Variants in CHPT1 observed in about 807,000 individuals in gnomAD.
CHPT1 encodes choline phosphotransferase 1, also known as cholinephosphotransferase 1.
CHPT1 carries 36 observed loss-of-function variants against 47.6 expected under a neutral mutation model. That is an observed-to-expected ratio of 0.76 (90% CI 0.58 to 1.00). The LOEUF (loss-of-function observed/expected upper bound fraction) is 1.00. Among genes scored for constraint, CHPT1 ranks in the 50% least tolerant of loss-of-function variants. The probability of loss-of-function intolerance (pLI) is 0.00; values close to 1 mark genes in which losing one functional copy is unlikely to be tolerated. For synonymous variants in CHPT1, 194 were observed against 186.3 expected (o/e 1.04, Z -0.33); for missense variants, 458 against 498.1 (o/e 0.92, Z 0.77).
rs372824014 is a variant in CHPT1, at chr12:101,698,206, G to C, written c.273+72G>C. On this transcript the variant is annotated intron_variant, in intron 1 of 8. Transcript: ENST00000229266. ...CGGGTCGCTGGAGGCGCCGGGGGAAGGGCGGACCCACGCGCGGCTGAGCCT... is the reference window on the plus strand; with the variant it reads ...CGGGTCGCTGGAGGCGCCGGGGGAACGGCGGACCCACGCGCGGCTGAGCCT... The C allele has an allele frequency of 4.8e-5, 66 of 1,361,556 alleles. 1 individual carries two copies. In the East Asian group the frequency reaches 1.4e-3, roughly 29 times the overall value. 84.3% of individuals were successfully genotyped at this position (1,361,556 alleles called of 1,614,324 possible).
In CHPT1 at chr12:101,723,247, C is replaced by T. The variant is rs752383369; in HGVS notation, c.860C>T (p.Thr287Ile). 4 of 1,611,850 alleles carry T rather than the reference C, an allele frequency of 2.5e-6. No homozygotes were observed. The highest frequency in any genetic ancestry group is 2.2e-5 in the South Asian group (2 of 90,994). The change falls in exon 6 of 9, where the codon ACT (threonine) becomes ATT (isoleucine). Residue 287 changes from threonine to isoleucine, a missense_variant. Thr to Ile is a moderately conservative substitution (Grantham distance 89). Coordinates refer to ENST00000229266, the MANE Select transcript of CHPT1 (RefSeq NM_020244.3). ...ATAATGATCTATAAAAAGTCAGCAA[C>T]TGATGTGTTTGAAAAGCATCCTTGT... ...LAIMIYKKSA[T>I]DVFEKHPCLY...
intron 1 of CHPT1, among the ~76,000 whole-genome samples, chr12:101,700,865 A>G (rs10778143): frequency 1.1e-4 from 17 of 152,038 alleles, no homozygotes; most frequent in African/African-American, 3.6e-4. Flanking sequence ...GTGACTTTCA[A>G]CTGGCTTGGG....
At position 101,729,028 on chromosome 12, in the gene CHPT1, G is replaced by A. The variant is rs1322030439; in HGVS notation, c.*83G>A. 2 of 1,610,878 alleles carry A rather than the reference G, an allele frequency of 1.2e-6. No homozygotes were observed. Among genetic ancestry groups the A allele is most frequent in the Non-Finnish European group, 1.7e-6 (2 of 1,177,836 alleles). On this transcript the variant is annotated 3_prime_UTR_variant, in exon 9 of 9. Transcript: ENST00000229266. ...AAACATTTGTTTAATTTTTATTTAA[G>A]TGTTATACCTATTTCAGCAAATAAA...
chr12:101,714,361 T>C, intron 2 of CHPT1, 124 bp downstream of exon 2: 1 of 1,184,516 alleles, frequency 8.4e-7, no homozygotes, highest in Non-Finnish European at 1.2e-6. Flanking sequence ...TTAAAAAGTA[T>C]GTCAAGAATT....
At chr12:101,706,214 G>A (rs1420581595) in intron 1 of CHPT1, among the ~76,000 whole-genome samples, 1 of 151,734 alleles carries the variant, frequency 6.6e-6, no homozygotes, top group African/African-American at 2.4e-5. Flanking sequence ...GCCAGGTGTG[G>A]TGGTGCACAT....
At chr12:101,727,457 T>TAATA (rs1199242777) in intron 8 of CHPT1, 1 of 149,756 alleles carries the variant, frequency 6.7e-6, no homozygotes, top group Non-Finnish European at 1.5e-5. Context: ...TAATTTTATA[T>TAATA]AATAGTTCAA....
chr12:101,727,784 A>AAAT (rs1454425153), intron 8 of CHPT1: 1 of 152,206 alleles, frequency 6.6e-6, no homozygotes, highest in Non-Finnish European at 1.5e-5. Context: ...AAAATTTAGG[A>AAAT]AATAATGTCA....
intron 1 of CHPT1, among the ~76,000 whole-genome samples, chr12:101,706,378 A>C (rs1380614702): frequency 6.6e-6 from 1 of 151,978 alleles, no homozygotes; most frequent in Non-Finnish European, 1.5e-5. Context: ...AGAAAAATAG[A>C]ATACGTGTCT....
intron 1 of CHPT1, among the ~76,000 whole-genome samples, chr12:101,707,501 G>T (rs1951649502): frequency 6.6e-6 from 1 of 152,076 alleles, no homozygotes; most frequent in Admixed American, 6.6e-5. Context: ...AATTATTTTT[G>T]CACAAACACC....
At chr12:101,720,078 C>A (rs751301653) in intron 4 of CHPT1, 45 bp from the exon 5 acceptor site, 103 of 1,458,416 alleles carry the variant, frequency 7.1e-5, no homozygotes, top group African/African-American at 8.6e-5. Context: ...TAATAAAAAA[C>A]CAAAATTCTG....
At chr12:101,713,622 T>C (rs1951724348) in intron 1 of CHPT1, among the ~76,000 whole-genome samples, 1 of 151,734 alleles carries the variant, frequency 6.6e-6, no homozygotes, top group Non-Finnish European at 1.5e-5. Context: ...GAAAACTGTT[T>C]TTTGTTTTTT....
intron 1 of CHPT1, among the ~76,000 whole-genome samples, chr12:101,699,056 A>G (rs928980285): frequency 2.0e-5 from 3 of 152,192 alleles, no homozygotes; most frequent in African/African-American, 7.2e-5. Flanking sequence ...TACAGTGGAA[A>G]TATTTCATGC....
intron 1 of CHPT1, among the ~76,000 whole-genome samples, chr12:101,711,807 AG>A (rs1230374493): frequency 6.7e-6 from 1 of 148,880 alleles, no homozygotes; most frequent in Non-Finnish European, 1.5e-5. Context: ...TCTTTAAAAA[AG>A]AATTTACTAG....
At chr12:101,719,749 G>C (rs773194615) in intron 4 of CHPT1, 18 of 240,916 alleles carry the variant, frequency 7.5e-5, no homozygotes, top group Non-Finnish European at 1.5e-4. Flanking sequence ...AGACTAAGCT[G>C]GTTTGGTGGA....
chr12:101,717,145 T>A (rs75922577), intron 4 of CHPT1: 11,208 of 372,324 alleles, frequency 0.03, 573 homozygotes, highest in African/African-American at 0.14. Context: ...ATAAATATTT[T>A]AAAAATAAAT....
chr12:101,722,218 A>G (rs1594142078), intron 5 of CHPT1, among the ~76,000 whole-genome samples: 1 of 152,118 alleles, frequency 6.6e-6, no homozygotes, highest in African/African-American at 2.4e-5. Context: ...AAGAATCATA[A>G]TATAAAGCAC....
At chr12:101,701,763 A>T (rs1951558037) in intron 1 of CHPT1, among the ~76,000 whole-genome samples, 1 of 152,096 alleles carries the variant, frequency 6.6e-6, no homozygotes, top group Non-Finnish European at 1.5e-5. Context: ...ATAATTTTGC[A>T]TCAAACAGAT....
At chr12:101,698,595 G>C (rs1030363156) in intron 1 of CHPT1, among the ~76,000 whole-genome samples, 6 of 152,242 alleles carry the variant, frequency 3.9e-5, no homozygotes, top group Admixed American at 2.6e-4. Flanking sequence ...TTCGTTTCTG[G>C]AAGGTTGAGC....
chr12:101,729,050 T>C lies in CHPT1; in HGVS notation c.*105T>C. 1.2e-6 allele frequency: 2 copies of C among 1,607,438 alleles called. 1 individual carries two copies. The highest frequency in any genetic ancestry group is 2.2e-5 in the South Asian group (2 of 90,700). ...TAAGTGTTATACCTATTTCAGCAAATAAAATATTTCATTGCTTATATTAAT... is the reference window on the plus strand; with the variant it reads ...TAAGTGTTATACCTATTTCAGCAAACAAAATATTTCATTGCTTATATTAAT... On this transcript the variant is annotated 3_prime_UTR_variant, in exon 9 of 9. Coordinates refer to ENST00000229266, the MANE Select transcript of CHPT1 (RefSeq NM_020244.3).
Sources: gnomAD v4.1 joint callset for allele counts (sites outside exome capture counted in the v4.1 genomes callset) on GRCh38, gnomAD v4.1.1 for gene constraint, MANE v1.5 for transcripts, NCBI Gene and HGNC (gene_info 2026-07-23, HGNC 2026-07-21) for gene names.